HMGCLL1: variants seen among roughly 807,000 people sequenced by gnomAD.
HMGCLL1 encodes 3-hydroxymethyl-3-methylglutaryl-CoA lyase, cytoplasmic.
In HMGCLL1, 36 loss-of-function variants were observed where a neutral mutation model predicts 39.1. The ratio of observed to expected loss-of-function variants is 0.92; its 90% CI spans 0.71 to 1.22. The LOEUF (loss-of-function observed/expected upper bound fraction) is 1.22, where lower values mean the gene tolerates loss of function less well. Ranked by LOEUF, HMGCLL1 falls within the 50% of genes most tolerant of loss-of-function variation. The probability of loss-of-function intolerance (pLI) is 0.00; values close to 1 mark genes in which losing one functional copy is unlikely to be tolerated. For synonymous variants in HMGCLL1, 149 were observed against 144.0 expected (o/e 1.03, Z -0.25); for missense variants, 451 against 416.5 (o/e 1.08, Z -0.72).
the HMGCLL1 span, among the ~76,000 whole-genome samples, chr6:55,655,258 A>G: frequency 6.6e-6 from 1 of 151,822 alleles, no homozygotes; most frequent in African/African-American, 2.4e-5. Flanking sequence ...AATATAATCT[A>G]CCAGTGAAAA....
At chr6:55,600,145 T>C in the HMGCLL1 span, among the ~76,000 whole-genome samples, 5 of 152,256 alleles carry the variant, frequency 3.3e-5, no homozygotes, top group East Asian at 9.6e-4. Context: ...CTTCAGTTTT[T>C]TTAAATCTCT....
At chr6:55,571,143 ATACCTATCC>A (rs1373628281) in intron 1 of HMGCLL1, among the ~76,000 whole-genome samples, 2 of 152,228 alleles carry the variant, frequency 1.3e-5, no homozygotes, top group Non-Finnish European at 2.9e-5. Flanking sequence ...ACCATGTCAA[ATACCTATCC>A]TTTTAAGTTT....
intron 5 of HMGCLL1, among the ~76,000 whole-genome samples, chr6:55,508,175 C>G (rs148613306): frequency 6.6e-6 from 1 of 151,746 alleles, no homozygotes; most frequent in Non-Finnish European, 1.5e-5. Flanking sequence ...CAGGTGTCCA[C>G]AAATTTTTGA....
At chr6:55,524,520 C>T (rs1768210957) in intron 3 of HMGCLL1, among the ~76,000 whole-genome samples, 1 of 148,756 alleles carries the variant, frequency 6.7e-6, no homozygotes, top group African/African-American at 2.5e-5. Flanking sequence ...CTAAAGTTCC[C>T]TACAAGTGGT....
At chr6:55,558,425 C>T (rs1359096169) in intron 1 of HMGCLL1, among the ~76,000 whole-genome samples, 1 of 152,188 alleles carries the variant, frequency 6.6e-6, no homozygotes, top group Non-Finnish European at 1.5e-5. Flanking sequence ...CATATTCTCT[C>T]ATATGGTCCT....
chr6:55,474,802 T>G lies in HMGCLL1; in HGVS notation c.795+20617A>C, dbSNP rs1467779426. 2.0e-5 allele frequency among the ~76,000 whole-genome samples: 3 copies of G among 151,752 alleles called. No homozygotes were observed. In the East Asian group the frequency reaches 5.8e-4, roughly 29 times the overall value. ...ATCTGGCTAGGAGTTTGGTTGCATT[T>G]AATGTTTGCTGCAGCTGTAACTGCC... On this transcript the variant is annotated intron_variant, in intron 7 of 8. Transcript: ENST00000274901.
intron 5 of HMGCLL1, among the ~76,000 whole-genome samples, chr6:55,507,537 G>C (rs1222137272): frequency 6.6e-6 from 1 of 151,712 alleles, no homozygotes; most frequent in Non-Finnish European, 1.5e-5. Flanking sequence ...TTTTAGAAGA[G>C]ATTTGTAAAA....
chr6:55,598,586 C>A, the HMGCLL1 span, among the ~76,000 whole-genome samples: 55 of 152,314 alleles, frequency 3.6e-4, 1 homozygote, highest in East Asian at 0.01. Flanking sequence ...CTTTTCAGAA[C>A]CTTATAGAAG....
the HMGCLL1 span, among the ~76,000 whole-genome samples, chr6:55,646,420 T>C: frequency 2.4e-4 from 37 of 151,794 alleles, no homozygotes; most frequent in Non-Finnish European, 3.8e-4. Flanking sequence ...TTATTTCTTT[T>C]GTTCTCCTAA....
chr6:55,654,447 C>G, the HMGCLL1 span, among the ~76,000 whole-genome samples: 1 of 151,800 alleles, frequency 6.6e-6, no homozygotes, highest in Non-Finnish European at 1.5e-5. Context: ...TTTTGCACAA[C>G]AGAATAAGTT....
chr6:55,575,756 G>A (rs554995548), intron 1 of HMGCLL1, among the ~76,000 whole-genome samples: 1 of 150,150 alleles, frequency 6.7e-6, no homozygotes, highest in East Asian at 1.9e-4. Context: ...GGTCCTATGA[G>A]ACAAAAAGGT....
At position 55,532,804 on chromosome 6, in the gene HMGCLL1, C is replaced by CATAATA. The variant is rs201080387; in HGVS notation, c.297+8919_297+8924dup. ...CAACAAAGCAAGACTCTGTCTCAAA[C>CATAATA]ATAATAATAATAATAATAATAATAA... On this transcript the variant is annotated intron_variant, in intron 3 of 8. Transcript: ENST00000274901. 4.1e-4 allele frequency among the ~76,000 whole-genome samples: 29 copies of CATAATA among 71,544 alleles called. 1 individual carries two copies. The highest frequency in any genetic ancestry group is 6.5e-4 in the Non-Finnish European group (18 of 27,824). The allele number at this position is 71,544 out of a possible 152,430, so 46.9% of individuals were successfully genotyped here.
At chr6:55,519,056 T>C (rs549519261) in intron 3 of HMGCLL1, among the ~76,000 whole-genome samples, 1 of 152,266 alleles carries the variant, frequency 6.6e-6, no homozygotes, top group Non-Finnish European at 1.5e-5. Flanking sequence ...CAATTGGGGA[T>C]AAGCTTATAA....
chr6:55,570,915 T>A (rs1338504652), intron 1 of HMGCLL1, among the ~76,000 whole-genome samples: 3 of 152,142 alleles, frequency 2.0e-5, no homozygotes, highest in Non-Finnish European at 1.5e-5. Context: ...GGTGAAAGGC[T>A]CATCTTACAT....
chr6:55,613,610 G>A, the HMGCLL1 span, among the ~76,000 whole-genome samples: 5 of 152,230 alleles, frequency 3.3e-5, no homozygotes, highest in African/African-American at 4.8e-5. Flanking sequence ...AAAGGAATAA[G>A]ATCATGTCCT....
the HMGCLL1 span, among the ~76,000 whole-genome samples, chr6:55,651,471 C>T: frequency 1.3e-5 from 2 of 152,050 alleles, no homozygotes; most frequent in Non-Finnish European, 2.9e-5. Context: ...AAGACAAAGT[C>T]CTCTTTATTC....
At chr6:55,572,176 TAGAG>T (rs1000948879) in intron 1 of HMGCLL1, among the ~76,000 whole-genome samples, 1 of 151,724 alleles carries the variant, frequency 6.6e-6, no homozygotes, top group African/African-American at 2.4e-5. Context: ...GGAAGACTTA[TAGAG>T]AGAGAAAGAG....
chr6:55,627,764 C>T, the HMGCLL1 span, among the ~76,000 whole-genome samples: 5 of 144,446 alleles, frequency 3.5e-5, no homozygotes, highest in South Asian at 8.6e-4. Flanking sequence ...TGCCCTTGAA[C>T]ATTGGACTCC....
At chr6:55,658,560 A>G in the HMGCLL1 span, among the ~76,000 whole-genome samples, 1 of 151,914 alleles carries the variant, frequency 6.6e-6, no homozygotes, top group Non-Finnish European at 1.5e-5. Flanking sequence ...TATTATGTAT[A>G]TATCTAAAGA....
Sources: gnomAD v4.1 joint callset for allele counts (sites outside exome capture counted in the v4.1 genomes callset) on GRCh38, gnomAD v4.1.1 for gene constraint, MANE v1.5 for transcripts, NCBI Gene and HGNC (gene_info 2026-07-23, HGNC 2026-07-21) for gene names.